Variants in RBFOX1 observed in about 807,000 individuals in gnomAD.
The protein encoded by RBFOX1 is RNA binding fox-1 homolog 1, also known as RNA binding protein fox-1 homolog 1.
Under a neutral mutation model 57.7 loss-of-function variants are expected in RBFOX1, and 8 were observed. The observed-to-expected ratio is 0.14, with a 90% CI of 0.08 to 0.25. The LOEUF is 0.25. Among genes scored for constraint, RBFOX1 ranks in the 10% least tolerant of loss-of-function variants. The pLI, the probability that RBFOX1 is intolerant of heterozygous loss-of-function variation, is 1.00. For missense variants in RBFOX1, 611 were observed against 548.5 expected, an observed-to-expected ratio of 1.11 and a Z score of -1.14; for synonymous variants, 326 against 222.4, an observed-to-expected ratio of 1.47 and a Z score of -4.15.
chr16:7,421,315 C>A (rs1464372354), intron 4 of RBFOX1, among the ~76,000 whole-genome samples: 1 of 152,156 alleles, frequency 6.6e-6, no homozygotes, highest in African/African-American at 2.4e-5. Context: ...CTGATTTTAT[C>A]TAAGTATCTT....
rs916064752 is a variant in RBFOX1, at chr16:6,019,320, C to A, written c.-799C>A. ...GGTCACCTCCTTTCCAGTCCCCGTG[C>A]GAGCCGCGCTGCCGCCGCCTCCTCC... On this transcript the variant is annotated 5_prime_UTR_variant, in exon 1 of 16. Coordinates refer to ENST00000550418, the MANE Select transcript of RBFOX1 (RefSeq NM_018723.4). The surrounding 1 kb of genome is among the most constrained non-coding windows in gnomAD (Gnocchi z 4.2). The A allele has an allele frequency of 5.3e-5, 52 of 985,034 alleles. No individual in the cohort carries two copies. The highest frequency in any genetic ancestry group is 5.9e-5 in the Non-Finnish European group (49 of 830,158). The allele number at this position is 985,034 out of a possible 1,614,324, so 61.0% of individuals were successfully genotyped here. A position where few individuals can be genotyped will look rare whatever the true frequency, so the allele number is the denominator to read the frequency against.
chr16:7,289,203 T>C (rs934240508), intron 4 of RBFOX1, among the ~76,000 whole-genome samples: 2 of 152,154 alleles, frequency 1.3e-5, no homozygotes, highest in African/African-American at 2.4e-5. Flanking sequence ...GCTTCCTTAG[T>C]CAAACACTAG....
intron 4 of RBFOX1, among the ~76,000 whole-genome samples, chr16:7,213,321 C>G (rs1359083206): frequency 3.3e-5 from 5 of 152,100 alleles, no homozygotes; most frequent in Non-Finnish European, 7.4e-5. Context: ...TGCATGGATC[C>G]AAGCCCAAAC....
intron 2 of RBFOX1, among the ~76,000 whole-genome samples, chr16:6,636,028 G>C (rs980804061): frequency 6.6e-6 from 1 of 152,114 alleles, no homozygotes; most frequent in Non-Finnish European, 1.5e-5. Context: ...TTGTGTACAT[G>C]TTTAATAATT....
intron 1 of RBFOX1, among the ~76,000 whole-genome samples, chr16:6,283,731 A>G (rs1443917702): frequency 6.6e-6 from 1 of 152,160 alleles, no homozygotes; most frequent in Non-Finnish European, 1.5e-5. Context: ...ACATACCCGC[A>G]GCTACTTTTG....
intron 4 of RBFOX1, among the ~76,000 whole-genome samples, chr16:7,347,199 A>G (rs1464225587): frequency 1.3e-5 from 2 of 152,162 alleles, no homozygotes; most frequent in East Asian, 1.9e-4. Flanking sequence ...CCTACAATGC[A>G]TAGGTGCATT....
At chr16:7,338,301 A>C (rs1005819659) in intron 4 of RBFOX1, among the ~76,000 whole-genome samples, 11 of 149,948 alleles carry the variant, frequency 7.3e-5, no homozygotes, top group African/African-American at 2.7e-4. Context: ...TTTCCAGCCT[A>C]AACTTTCTAT....
chr16:7,418,099 C>A (rs1177194941), intron 4 of RBFOX1, among the ~76,000 whole-genome samples: 2 of 152,160 alleles, frequency 1.3e-5, no homozygotes, highest in Non-Finnish European at 2.9e-5. Context: ...ACCCTCCATT[C>A]CTAACCTCAC....
intron 2 of RBFOX1, among the ~76,000 whole-genome samples, chr16:6,563,610 A>G (rs1274877607): frequency 1.3e-5 from 2 of 152,138 alleles, no homozygotes; most frequent in African/African-American, 4.8e-5. Context: ...TTGCGAGGCC[A>G]AGGTAGGCAG....
rs148460259 is a variant in RBFOX1 at position 6,758,581 on chromosome 16, T to C, written c.-16+103931T>C. On this transcript the variant is annotated intron_variant, in intron 3 of 15. Coordinates refer to ENST00000550418, the MANE Select transcript of RBFOX1 (RefSeq NM_018723.4). ...CCATGCTCTCTAAAACATCCCAAAC[T>C]GTACCAAGCAACTACATTTGATTGA... Among the ~76,000 whole-genome samples the C allele has an allele frequency of 2.4e-4, 36 of 152,274 alleles. No homozygotes were observed. The East Asian group carries it at 5.0e-3, about 21-fold the overall frequency.
At chr16:5,994,536 C>T (rs998871398) in intron 4 of RBFOX1, among the ~76,000 whole-genome samples, 1 of 152,158 alleles carries the variant, frequency 6.6e-6, no homozygotes, top group African/African-American at 2.4e-5. Context: ...CAGCAGATTT[C>T]TATACCAGGT....
intron 3 of RBFOX1, among the ~76,000 whole-genome samples, chr16:6,877,257 C>G (rs1051765785): frequency 6.6e-6 from 1 of 152,156 alleles, no homozygotes; most frequent in Non-Finnish European, 1.5e-5. Context: ...GTTGACATGT[C>G]CTAGAGAAAG....
exon 3 of RBFOX1, chr16:5,599,317 A>G (rs2047290295): frequency 3.2e-6 from 2 of 620,766 alleles, no homozygotes; most frequent in Admixed American, 2.7e-5. Context: ...ACGTGAAAGA[A>G]GTCGAATGTC....
chr16:6,189,757 A>G (rs2097130440), intron 1 of RBFOX1, among the ~76,000 whole-genome samples: 1 of 152,160 alleles, frequency 6.6e-6, no homozygotes, highest in African/African-American at 2.4e-5. Context: ...CAAGTAATAT[A>G]TGATATTTTT....
intron 3 of RBFOX1, among the ~76,000 whole-genome samples, chr16:6,664,296 T>C (rs2098718901): frequency 6.6e-6 from 1 of 152,184 alleles, no homozygotes. Context: ...TTCAGATTAG[T>C]AACCCTCATT....
intron 4 of RBFOX1, among the ~76,000 whole-genome samples, chr16:7,275,179 A>G (rs778489924): frequency 1.2e-4 from 18 of 151,958 alleles, no homozygotes; most frequent in Admixed American, 2.6e-4. Flanking sequence ...AGAGGGAGAG[A>G]GGAAGGGAGA....
At chr16:5,491,949 G>C (rs573090594) in intron 2 of RBFOX1, among the ~76,000 whole-genome samples, 109 of 152,350 alleles carry the variant, frequency 7.2e-4, no homozygotes, top group African/African-American at 2.5e-3. Context: ...GTGGGGCCCA[G>C]ACACTGGTAT....
chr16:6,522,465 A>G (rs765672971), intron 2 of RBFOX1, among the ~76,000 whole-genome samples: 1 of 152,178 alleles, frequency 6.6e-6, no homozygotes, highest in Non-Finnish European at 1.5e-5. Flanking sequence ...TGAAGACATC[A>G]ACTTCAGTCA....
chr16:7,361,726 G>C (rs995824919), intron 4 of RBFOX1, among the ~76,000 whole-genome samples: 1 of 152,216 alleles, frequency 6.6e-6, no homozygotes, highest in Non-Finnish European at 1.5e-5. Flanking sequence ...GAGGCATGCT[G>C]GTGAAAGTAG....
Sources: gnomAD v4.1 joint callset for allele counts (sites outside exome capture counted in the v4.1 genomes callset) on GRCh38, gnomAD v4.1.1 for gene constraint, Gnocchi (gnomAD v3.1) non-coding constraint, MANE v1.5 for transcripts, NCBI Gene and HGNC (gene_info 2026-07-23, HGNC 2026-07-21) for gene names.